The following ROBO2 variants were observed in gnomAD, a reference collection of about 807,000 sequenced individuals.
ROBO2 encodes the protein roundabout guidance receptor 2, also known as roundabout homolog 2.
In ROBO2, 53 loss-of-function variants were observed where a neutral mutation model predicts 160.8. That is an observed-to-expected ratio of 0.33 (90% CI 0.26 to 0.41). The LOEUF is 0.41. ROBO2 is among the 10% of genes least tolerant of loss of function. The probability of loss-of-function intolerance (pLI) is 1.00; values close to 1 mark genes in which losing one functional copy is unlikely to be tolerated. For synonymous variants in ROBO2, 664 were observed against 611.7 expected, an observed-to-expected ratio of 1.09 and a Z score of -1.26; for missense variants, 1,577 against 1,722.4, an observed-to-expected ratio of 0.92 and a Z score of 1.49.
intron 2 of ROBO2, among the ~76,000 whole-genome samples, chr3:76,223,256 T>A (rs759557070): frequency 6.6e-6 from 1 of 152,020 alleles, no homozygotes; most frequent in Non-Finnish European, 1.5e-5. Flanking sequence ...TGGTAGATCC[T>A]GAAGAGAATC....
intron 2 of ROBO2, among the ~76,000 whole-genome samples, chr3:76,140,648 T>C (rs2071598760): frequency 6.6e-6 from 1 of 151,874 alleles, no homozygotes; most frequent in South Asian, 2.1e-4. Flanking sequence ...AAATAGGATA[T>C]CTTCTTCCTT....
chr3:76,064,348 C>T (rs889652207), intron 2 of ROBO2, among the ~76,000 whole-genome samples: 10 of 152,230 alleles, frequency 6.6e-5, no homozygotes, highest in South Asian at 4.1e-4. Context: ...TGAGGAAGCT[C>T]GGCTGCAAAT....
At chr3:76,878,060 T>A (rs567759360) in intron 2 of ROBO2, among the ~76,000 whole-genome samples, 2 of 152,278 alleles carry the variant, frequency 1.3e-5, no homozygotes, top group African/African-American at 4.8e-5. Context: ...CCAAATGCAG[T>A]GGCATTAGGG....
intron 1 of ROBO2, among the ~76,000 whole-genome samples, chr3:75,908,495 G>A (rs1381596960): frequency 6.6e-6 from 1 of 151,828 alleles, no homozygotes; most frequent in African/African-American, 2.4e-5. Context: ...CTAGATTTCT[G>A]TAATTATTAT....
intron 2 of ROBO2, among the ~76,000 whole-genome samples, chr3:76,777,941 T>C (rs143731395): frequency 2.1e-4 from 32 of 151,224 alleles, no homozygotes; most frequent in African/African-American, 7.2e-4. Flanking sequence ...AAAAGCTTGT[T>C]ATAAAATAAG....
At chr3:75,907,464 C>G (rs2324393) in intron 1 of ROBO2, among the ~76,000 whole-genome samples, 130,343 of 151,988 alleles carry the variant, frequency 0.86, 55,985 homozygotes, top group East Asian at 0.93. Context: ...AGAGTAACTT[C>G]AGGTTCCTTT....
At chr3:76,909,158 T>A (rs1465588217) in intron 2 of ROBO2, among the ~76,000 whole-genome samples, 2 of 152,188 alleles carry the variant, frequency 1.3e-5, no homozygotes, top group Non-Finnish European at 2.9e-5. Flanking sequence ...AGCCCAGGGT[T>A]TGAGGTTGCA....
intron 2 of ROBO2, among the ~76,000 whole-genome samples, chr3:76,817,613 C>A (rs914045577): frequency 2.6e-5 from 4 of 152,090 alleles, no homozygotes; most frequent in Middle Eastern, 3.4e-3. Flanking sequence ...GTGTACACTG[C>A]ACCCAATGTG....
At chr3:76,852,563 G>A (rs1401085150) in intron 2 of ROBO2, among the ~76,000 whole-genome samples, 1 of 152,124 alleles carries the variant, frequency 6.6e-6, no homozygotes, top group East Asian at 1.9e-4. Context: ...TTTGTCAGAA[G>A]AGGTCAAAGG....
intron 2 of ROBO2, among the ~76,000 whole-genome samples, chr3:76,078,620 C>T (rs2108010501): frequency 6.6e-6 from 1 of 152,214 alleles, no homozygotes; most frequent in South Asian, 2.1e-4. Flanking sequence ...CTTCCTTGGC[C>T]TGCTAAAGTG....
chr3:76,929,402 G>A (rs11914899), intron 2 of ROBO2, among the ~76,000 whole-genome samples: 42,508 of 152,042 alleles, frequency 0.28, 7,022 homozygotes, highest in African/African-American at 0.46. Context: ...TTTCTCTTAT[G>A]CCCAGTACCT....
intron 2 of ROBO2, among the ~76,000 whole-genome samples, chr3:76,816,526 G>A (rs2065679662): frequency 6.6e-6 from 1 of 151,954 alleles, no homozygotes. Flanking sequence ...ATATGAGATA[G>A]TTATGATATT....
chr3:76,050,167 T>C (rs1342495704), intron 2 of ROBO2, among the ~76,000 whole-genome samples: 5 of 152,172 alleles, frequency 3.3e-5, no homozygotes, highest in African/African-American at 1.2e-4. Context: ...GGGTGGGCAC[T>C]GTCTAATCAG....
intron 2 of ROBO2, among the ~76,000 whole-genome samples, chr3:76,227,538 A>G (rs766090573): frequency 6.6e-6 from 1 of 152,230 alleles, no homozygotes; most frequent in Non-Finnish European, 1.5e-5. Flanking sequence ...TAGCATCAGG[A>G]TCAGCCTTAT....
chr3:77,054,100 A>G (rs1355984895), intron 1 of ROBO2, among the ~76,000 whole-genome samples: 1 of 152,194 alleles, frequency 6.6e-6, no homozygotes, highest in Non-Finnish European at 1.5e-5. Flanking sequence ...ACAAAGAGAG[A>G]TTCTTTAGGA....
chr3:76,565,705 G>A (rs2108532029), intron 2 of ROBO2, among the ~76,000 whole-genome samples: 1 of 152,270 alleles, frequency 6.6e-6, no homozygotes, highest in East Asian at 1.9e-4. Context: ...TGACCACTCT[G>A]TGTAATGTAA....
intron 5 of ROBO2, among the ~76,000 whole-genome samples, chr3:77,521,606 CATG>C (rs1342802528): frequency 6.6e-6 from 1 of 151,160 alleles, no homozygotes; most frequent in African/African-American, 2.4e-5. Context: ...GAAAAGTAAC[CATG>C]ATAATTAAAG....
At chr3:75,996,828 A>G (rs1375486528) in intron 2 of ROBO2, among the ~76,000 whole-genome samples, 3 of 146,000 alleles carry the variant, frequency 2.1e-5, no homozygotes, top group Non-Finnish European at 4.6e-5. Context: ...GATATTTGTA[A>G]ATCATCTATT....
intron 2 of ROBO2, among the ~76,000 whole-genome samples, chr3:77,133,697 T>G (rs1039374641): frequency 4.6e-5 from 7 of 150,734 alleles, no homozygotes; most frequent in Admixed American, 4.0e-4. Flanking sequence ...TAAAATAACA[T>G]TACTGAGAAA....
Sources: allele counts gnomAD v4.1 joint callset (sites outside exome capture counted in the v4.1 genomes callset), GRCh38; gene constraint gnomAD v4.1.1; transcripts MANE v1.5; gene names NCBI Gene and HGNC (gene_info 2026-07-23, HGNC 2026-07-21).